The following DEPDC5 variants were observed in gnomAD, a reference collection of about 807,000 sequenced individuals.
DEPDC5 encodes the protein GATOR1 complex protein DEPDC5.
Under a neutral mutation model 217.3 loss-of-function variants are expected in DEPDC5, and 73 were observed. That is an observed-to-expected ratio of 0.34 (90% CI 0.28 to 0.41). The LOEUF is 0.41. DEPDC5 is among the 10% of genes least tolerant of loss of function. DEPDC5 has a pLI of 1.00. For synonymous variants in DEPDC5, 733 were observed against 756.7 expected, an observed-to-expected ratio of 0.97 and a Z score of 0.51; for missense variants, 1,675 against 2,070.1, an observed-to-expected ratio of 0.81 and a Z score of 3.70.
chr22:31,883,833 GC>G lies in DEPDC5; in HGVS notation c.4033+4084del, dbSNP rs1312083273. On this transcript the variant is annotated intron_variant, in intron 38 of 42. Coordinates refer to ENST00000651528, the MANE Select transcript of DEPDC5 (RefSeq NM_001242896.3). ...TAGCCCAGTTCCAGGAGTGGCTTCTGCCCTGTGATGAGGGACACTCAGGTCC... is the reference window on the plus strand; with the variant it reads ...TAGCCCAGTTCCAGGAGTGGCTTCTGCCTGTGATGAGGGACACTCAGGTCC... Among the ~76,000 whole-genome samples, 9 of 152,260 alleles carry G rather than the reference GC, an allele frequency of 5.9e-5. No individual in the cohort carries two copies. The South Asian group carries it at 1.0e-3, about 18-fold the overall frequency.
chr22:31,780,414 G>C (rs1470275898), intron 8 of DEPDC5, among the ~76,000 whole-genome samples: 1 of 152,152 alleles, frequency 6.6e-6, no homozygotes, highest in East Asian at 1.9e-4. Flanking sequence ...AAAGTCTTTT[G>C]GATGCCTGAG....
chr22:31,771,587 G>A (rs2083356888), intron 7 of DEPDC5, among the ~76,000 whole-genome samples: 1 of 151,950 alleles, frequency 6.6e-6, no homozygotes, highest in Non-Finnish European at 1.5e-5. Context: ...GGGTGTGGTG[G>A]CCTGTGCCTG....
intron 7 of DEPDC5, 57 bp downstream of exon 7, chr22:31,768,920 T>G: frequency 6.4e-7 from 1 of 1,571,156 alleles, no homozygotes; most frequent in Non-Finnish European, 8.7e-7. Context: ...CATAAAGCAG[T>G]GGAGGCGTAT....
At chr22:31,857,025 CTTA>C (rs1364992853) in intron 31 of DEPDC5, among the ~76,000 whole-genome samples, 1 of 152,220 alleles carries the variant, frequency 6.6e-6, no homozygotes, top group Non-Finnish European at 1.5e-5. Flanking sequence ...CCCACCTTGG[CTTA>C]CCAAAGTGCG....
intron 4 of DEPDC5, among the ~76,000 whole-genome samples, chr22:31,764,498 C>T (rs1292664895): frequency 1.3e-5 from 2 of 152,096 alleles, no homozygotes; most frequent in East Asian, 3.8e-4. Context: ...TCGCTACAAC[C>T]TCTGTCTCTG....
At chr22:31,849,421 G>A (rs935318491) in intron 31 of DEPDC5, among the ~76,000 whole-genome samples, 3 of 152,124 alleles carry the variant, frequency 2.0e-5, no homozygotes, top group Admixed American at 6.5e-5. Flanking sequence ...AAGCAAACAC[G>A]TGCTTCTTCA....
At chr22:31,841,307 C>G (rs1297179056) in intron 27 of DEPDC5, among the ~76,000 whole-genome samples, 2 of 152,236 alleles carry the variant, frequency 1.3e-5, no homozygotes, top group Non-Finnish European at 2.9e-5. Flanking sequence ...CTGCTGTCCT[C>G]CTCTCTCCTC....
In DEPDC5 at chr22:31,815,005, C is replaced by T. The variant is rs587777459; in HGVS notation, c.1459C>T (p.Arg487Ter). The change falls in exon 21 of 43, where the codon CGA becomes TGA. Residue 487 changes from arginine to a stop codon, truncating the protein, a stop_gained. Transcript: ENST00000651528. LOFTEE classifies it high-confidence loss of function. Reference sequence around the variant, plus strand: ...CTTGCCTGGCAGATCTGTGCGAGAGCGAGAGAGTCACAGTCGAAAGAGTGC... The same window carrying T: ...CTTGCCTGGCAGATCTGTGCGAGAGTGAGAGAGTCACAGTCGAAAGAGTGC... ...CLTTCRSVRE[R>*]ESHSRKSASS... The T allele has an allele frequency of 4.3e-6, 7 of 1,613,914 alleles. No individual in the cohort carries two copies. The highest frequency in any genetic ancestry group is 5.1e-6 in the Non-Finnish European group (6 of 1,179,942).
chr22:31,846,143 C>G (rs927505456), intron 30 of DEPDC5, among the ~76,000 whole-genome samples: 10 of 152,156 alleles, frequency 6.6e-5, no homozygotes, highest in African/African-American at 2.4e-4. Context: ...ATGTTCTCCC[C>G]CATCTCTAAT....
chr22:31,824,975 C>CA (rs1180812774), intron 24 of DEPDC5, among the ~76,000 whole-genome samples: 1,987 of 74,696 alleles, frequency 0.027, 40 homozygotes, highest in African/African-American at 0.069. Flanking sequence ...GACTCCGTCT[C>CA]AAAAAAAAAA....
intron 3 of DEPDC5, 105 bp downstream of exon 3, chr22:31,758,738 C>A: frequency 1.8e-6 from 2 of 1,120,896 alleles, no homozygotes; most frequent in Non-Finnish European, 2.6e-6. Context: ...GCTGTGATGG[C>A]TCAATCCTGT....
chr22:31,870,534 G>A, intron 33 of DEPDC5, 56 bp from the exon 34 acceptor site: 3 of 1,449,162 alleles, frequency 2.1e-6, no homozygotes, highest in Non-Finnish European at 2.7e-6. Flanking sequence ...CTTATTTACT[G>A]TGTTTTCCTG....
Position 31,810,638 on chromosome 22 carries a change from G to A in DEPDC5, c.1442G>A (p.Cys481Tyr). Residue 481 changes from cysteine to tyrosine, a missense_variant, in exon 20 of 43, where the codon TGC becomes TAC. By Grantham distance (194) the Cys-to-Tyr change is radical. This residue lies in a region of DEPDC5 where 628 missense variants were observed against 762.1 expected (regional missense o/e 0.82). Transcript: ENST00000651528. ...GPSRAQCLTTCRSVRERESHS... is the reference protein window; with the variant it reads ...GPSRAQCLTTYRSVRERESHS... ...TCCCGGGCCCAGTGCCTCACCACCTGCAGGTTTTCTGCCAGATTCACTTGG... is the reference window on the plus strand; with the variant it reads ...TCCCGGGCCCAGTGCCTCACCACCTACAGGTTTTCTGCCAGATTCACTTGG... 1 of 1,614,102 alleles carries A rather than the reference G, an allele frequency of 6.2e-7. No individual in the cohort carries two copies. Among genetic ancestry groups the A allele is most frequent in the Non-Finnish European group, 8.5e-7 (1 of 1,180,014 alleles).
Position 31,797,595 on chromosome 22 carries a change from T to C in DEPDC5, c.768-5T>C. ...ATATCCATTTTATGATAATACTCTT[T>C]TCAGAGTGGTGGTGCAGAATGAGAG... On this transcript the variant is annotated splice_region_variant and splice_polypyrimidine_tract_variant and intron_variant, in intron 12 of 42. Coordinates refer to ENST00000651528, the MANE Select transcript of DEPDC5 (RefSeq NM_001242896.3). 1.2e-6 allele frequency: 2 copies of C among 1,607,124 alleles called. No homozygotes were observed. The highest frequency in any genetic ancestry group is 1.7e-6 in the Non-Finnish European group (2 of 1,173,668).
intron 33 of DEPDC5, among the ~76,000 whole-genome samples, chr22:31,869,218 A>C (rs987902568): frequency 6.6e-6 from 1 of 151,794 alleles, no homozygotes; most frequent in Non-Finnish European, 1.5e-5. Flanking sequence ...AGCCTGAGCA[A>C]AAGAGGGCAA....
chr22:31,760,681 C>T lies in DEPDC5; in HGVS notation c.172C>T (p.Leu58Phe). Residue 58 changes from leucine to phenylalanine, a missense_variant, in exon 4 of 43, where the codon CTT (leucine) becomes TTT (phenylalanine). Physicochemically the swap from Leu to Phe is conservative, Grantham distance 22. Coordinates refer to ENST00000651528, the MANE Select transcript of DEPDC5 (RefSeq NM_001242896.3). ...YSPLLLQVKS[L>F]KEDLQKETIS... ...CCCTCTGCTTTTGCAGGTCAAGTCT[C>T]TTAAGGAAGATTTACAGAAGGGTAA... The T allele has an allele frequency of 6.2e-7, 1 of 1,613,144 alleles. No individual in the cohort carries two copies. The highest frequency in any genetic ancestry group is 8.5e-7 in the Non-Finnish European group (1 of 1,179,656).
In DEPDC5 at chr22:31,893,153, C is replaced by T. The variant is rs892625396; in HGVS notation, c.4034-429C>T. Among the ~76,000 whole-genome samples the T allele has an allele frequency of 4.0e-5, 6 of 151,876 alleles. No homozygotes were observed. In the South Asian group the frequency reaches 6.2e-4, roughly 16 times the overall value. On this transcript the variant is annotated intron_variant, in intron 38 of 42. Coordinates refer to ENST00000651528, the MANE Select transcript of DEPDC5 (RefSeq NM_001242896.3). ...CCTCCCAAAGTGCTGGGATTACACACGTGAGCCACTGTGCCCGGCTGGTGT... is the reference window on the plus strand; with the variant it reads ...CCTCCCAAAGTGCTGGGATTACACATGTGAGCCACTGTGCCCGGCTGGTGT...
chr22:31,811,653 G>A (rs1284738857), intron 20 of DEPDC5, among the ~76,000 whole-genome samples: 1 of 150,796 alleles, frequency 6.6e-6, no homozygotes, highest in South Asian at 2.1e-4. Flanking sequence ...GGGCTCAAGT[G>A]ATCCTCTTGC....
chr22:31,814,224 A>G (rs1053390903), intron 20 of DEPDC5: 10 of 152,012 alleles, frequency 6.6e-5, no homozygotes, highest in African/African-American at 2.2e-4. Context: ...CTTTTTTTAC[A>G]TGTTATTTAT....
Sources: gnomAD v4.1 joint callset for allele counts (sites outside exome capture counted in the v4.1 genomes callset) on GRCh38, gnomAD v4.1.1 for gene constraint, gnomAD v4.1.1 regional missense constraint, MANE v1.5 for transcripts, NCBI Gene and HGNC (gene_info 2026-07-23, HGNC 2026-07-21) for gene names.